Variants in SYT2 observed in about 807,000 individuals in gnomAD.
SYT2 encodes synaptotagmin-2.
Under a neutral mutation model 39.9 loss-of-function variants are expected in SYT2, and 15 were observed. The ratio of observed to expected loss-of-function variants is 0.38; its 90% CI spans 0.25 to 0.58. The LOEUF is 0.58. Among genes scored for constraint, SYT2 ranks in the 20% least tolerant of loss-of-function variants. The pLI, the probability that SYT2 is intolerant of heterozygous loss-of-function variation, is 0.70. For synonymous variants in SYT2, 181 were observed against 204.5 expected (o/e 0.89, Z 0.98); for missense variants, 389 against 530.3 (o/e 0.73, Z 2.62).
At chr1:202,619,694 G>C (rs559884780) in intron 1 of SYT2, among the ~76,000 whole-genome samples, 9 of 152,288 alleles carry the variant, frequency 5.9e-5, no homozygotes, top group African/African-American at 2.2e-4. Flanking sequence ...GAGGTTCTAA[G>C]TAATTCAGAA....
Position 202,599,289 on chromosome 1 carries a change from C to A in SYT2, c.982G>T (p.Val328Leu), listed in dbSNP as rs142292654. 6.2e-7 allele frequency: 1 copy of A among 1,610,194 alleles called. No homozygotes were observed. Among genetic ancestry groups the A allele is most frequent in the East Asian group, 2.2e-5 (1 of 44,620 alleles). The change falls in exon 8 of 9, where the codon GTG becomes TTG. Residue 328 changes from valine (V) to leucine (L), a missense_variant. Val to Leu is a conservative substitution (Grantham distance 32). This residue lies in a region of SYT2 where 84 missense variants were observed against 123.1 expected (regional missense o/e 0.68). Transcript: ENST00000367268. This position sits in a 1 kb window ranked among gnomAD's most constrained non-coding sequence, Gnocchi z 4.4. ...TATGGGTTCAGGGTCTTCTTCTTCA[C>A]GGTTGTCTTCTTCTTCTTGAGCCTC... Reference protein sequence around the residue: ...GKRLKKKKTTVKKKTLNPYFN... With the variant: ...GKRLKKKKTTLKKKTLNPYFN...
At chr1:202,700,337 G>A (rs1044294270) in intron 1 of SYT2, among the ~76,000 whole-genome samples, 13 of 152,160 alleles carry the variant, frequency 8.5e-5, no homozygotes, top group Admixed American at 2.6e-4. Flanking sequence ...ACGAAGCCCC[G>A]CACTCTAGGG....
At position 202,598,913 on chromosome 1, in the gene SYT2, C is replaced by T. The variant is rs1423542739; in HGVS notation, c.1053+305G>A. 2.6e-5 allele frequency among the ~76,000 whole-genome samples: 4 copies of T among 152,178 alleles called. No homozygotes were observed. The East Asian group carries it at 5.8e-4, about 22-fold the overall frequency. ...CGGCCACTCCCACCCTCTCAGCCAGCTCCCAACCCCTCTGGCACCTTTGCT... is the reference window on the plus strand; with the variant it reads ...CGGCCACTCCCACCCTCTCAGCCAGTTCCCAACCCCTCTGGCACCTTTGCT... On this transcript the variant is annotated intron_variant, in intron 8 of 8. Coordinates refer to ENST00000367268, the MANE Select transcript of SYT2 (RefSeq NM_177402.5).
At chr1:202,673,275 C>A (rs1392712910) in intron 1 of SYT2, among the ~76,000 whole-genome samples, 2 of 152,150 alleles carry the variant, frequency 1.3e-5, no homozygotes, top group Non-Finnish European at 2.9e-5. Flanking sequence ...AACAGCAAGA[C>A]CCTGTGTGGC....
intron 1 of SYT2, among the ~76,000 whole-genome samples, chr1:202,679,312 T>TC (rs1653468171): frequency 6.6e-6 from 1 of 151,712 alleles, no homozygotes. Context: ...ACACCAGCCC[T>TC]CCCCCCACCA....
chr1:202,633,236 G>A (rs913096945), intron 1 of SYT2, among the ~76,000 whole-genome samples: 2 of 151,956 alleles, frequency 1.3e-5, no homozygotes, highest in African/African-American at 4.8e-5. Flanking sequence ...GCACCCACTG[G>A]GTGCCCAGCT....
chr1:202,620,064 C>T lies in SYT2; in HGVS notation c.-17-14275G>A, dbSNP rs147559062. Among the ~76,000 whole-genome samples the T allele has an allele frequency of 3.4e-3, 514 of 152,334 alleles. 12 individuals carry two copies. In the East Asian group the frequency reaches 0.064, roughly 19 times the overall value. ...GGGGGCCCAGTCCTCAGGGAAAGCT[C>T]AGGAAGGGGGAGTCTCCAATAGTGG... On this transcript the variant is annotated intron_variant, in intron 1 of 8. Coordinates refer to ENST00000367268, the MANE Select transcript of SYT2 (RefSeq NM_177402.5).
chr1:202,643,936 C>T (rs1157382874), intron 1 of SYT2, among the ~76,000 whole-genome samples: 1 of 152,154 alleles, frequency 6.6e-6, no homozygotes, highest in African/African-American at 2.4e-5. Context: ...GGAGGGGACC[C>T]CCTGGCTGTA....
chr1:202,673,287 G>A (rs1410021452), intron 1 of SYT2, among the ~76,000 whole-genome samples: 1 of 152,196 alleles, frequency 6.6e-6, no homozygotes, highest in African/African-American at 2.4e-5. Context: ...CTGTGTGGCA[G>A]GTCAGCTTCA....
rs529130504 is a variant in SYT2, at chr1:202,645,712, G to A, written c.-17-39923C>T. The stretch of plus-strand genomic sequence containing the variant: ...AAATACTGTGTTTAATGTCTATACT[G>A]CCTCCAATGTGCCCTTTCCCCTCTT... On this transcript the variant is annotated intron_variant, in intron 1 of 8. Transcript: ENST00000367268. Among the ~76,000 whole-genome samples, 10 of 152,294 alleles carry A rather than the reference G, an allele frequency of 6.6e-5. No homozygotes were observed. The South Asian group carries it at 1.5e-3, about 22-fold the overall frequency.
rs1690494892 is a variant in SYT2, at chr1:202,601,241, C to A, written c.801+649G>T. Among the ~76,000 whole-genome samples the A allele has an allele frequency of 6.6e-6, 1 of 152,186 alleles. No homozygotes were observed. Among genetic ancestry groups the A allele is most frequent in the South Asian group, 2.1e-4 (1 of 4,826 alleles). On this transcript the variant is annotated intron_variant, in intron 6 of 8. Transcript: ENST00000367268. This position sits in a 1 kb window ranked among gnomAD's most constrained non-coding sequence, Gnocchi z 4.0. Reference sequence around the variant, plus strand: ...CCAGGGCAAGACTGACGACATCACACAGGTCCTGGTTCAGGTGTGCTGGCC... The same window carrying A: ...CCAGGGCAAGACTGACGACATCACAAAGGTCCTGGTTCAGGTGTGCTGGCC...
At chr1:202,691,719 GAGGGAGAGGGGGGGAGAGAGAGA>G (rs1653829457) in intron 1 of SYT2, among the ~76,000 whole-genome samples, 63 of 43,274 alleles carry the variant, frequency 1.5e-3, no homozygotes, top group African/African-American at 3.3e-3. Flanking sequence ...GGGAGAGGGA[GAGGGAGAGGGGGGGAGAGAGAGA>G]GAGAGAGAGA....
chr1:202,678,631 T>C (rs908026741), intron 1 of SYT2, among the ~76,000 whole-genome samples: 6 of 152,148 alleles, frequency 3.9e-5, no homozygotes, highest in African/African-American at 1.4e-4. Context: ...CGAGAGGTAC[T>C]GTCCTTAGTC....
intron 1 of SYT2, among the ~76,000 whole-genome samples, chr1:202,663,563 C>G (rs1261054580): frequency 1.3e-5 from 2 of 152,190 alleles, no homozygotes; most frequent in Non-Finnish European, 2.9e-5. Context: ...ATGACTATAT[C>G]CTCAAACTTA....
intron 1 of SYT2, among the ~76,000 whole-genome samples, chr1:202,667,658 G>A (rs1177903767): frequency 1.3e-5 from 2 of 151,956 alleles, no homozygotes; most frequent in East Asian, 1.9e-4. Flanking sequence ...TGAGAGTAAT[G>A]GACTGAGCCC....
intron 1 of SYT2, among the ~76,000 whole-genome samples, chr1:202,691,168 T>C (rs987023126): frequency 5.9e-5 from 9 of 152,208 alleles, no homozygotes; most frequent in Non-Finnish European, 8.8e-5. Context: ...AAATATTGCC[T>C]GAAATTTCCC....
intron 1 of SYT2, among the ~76,000 whole-genome samples, chr1:202,624,515 CTG>C (rs995467496): frequency 2.0e-4 from 26 of 128,972 alleles, no homozygotes; most frequent in African/African-American, 6.8e-4. Context: ...TGGTGTGTGT[CTG>C]TGTGGTGTGT....
intron 1 of SYT2, among the ~76,000 whole-genome samples, chr1:202,686,553 G>T (rs1048253084): frequency 6.6e-6 from 1 of 152,118 alleles, no homozygotes; most frequent in Non-Finnish European, 1.5e-5. Flanking sequence ...AATGGGGGGT[G>T]GGGGAGCTTC....
At position 202,614,320 on chromosome 1, in the gene SYT2, G is replaced by T. The variant is rs1484408351; in HGVS notation, c.-17-8531C>A. Among the ~76,000 whole-genome samples, 1 of 152,186 alleles carries T rather than the reference G, an allele frequency of 6.6e-6. No homozygotes were observed. Among genetic ancestry groups the T allele is most frequent in the Non-Finnish European group, 1.5e-5 (1 of 68,020 alleles). ...CCAGCAGGAACCACTGAAGGGTGCTGAGCAGTTATAAGTGGGGTTTGTGAA... is the reference window on the plus strand; with the variant it reads ...CCAGCAGGAACCACTGAAGGGTGCTTAGCAGTTATAAGTGGGGTTTGTGAA... On this transcript the variant is annotated intron_variant, in intron 1 of 8. Transcript: ENST00000367268. This position sits in a 1 kb window ranked among gnomAD's most constrained non-coding sequence, Gnocchi z 4.0.
Sources: allele counts gnomAD v4.1 joint callset (sites outside exome capture counted in the v4.1 genomes callset), GRCh38; gene constraint gnomAD v4.1.1; regional missense constraint gnomAD v4.1.1; non-coding constraint Gnocchi (gnomAD v3.1); transcripts MANE v1.5; gene names NCBI Gene and HGNC (gene_info 2026-07-23, HGNC 2026-07-21).